The following STAG1 variants were observed in gnomAD, a reference collection of about 807,000 sequenced individuals.
STAG1 encodes the protein STAG1 cohesin complex component, also known as cohesin subunit SA-1.
In STAG1, 26 loss-of-function variants were observed where a neutral mutation model predicts 170.9. The observed-to-expected ratio is 0.15, with a 90% confidence interval of 0.11 to 0.21. The LOEUF (loss-of-function observed/expected upper bound fraction) is 0.21, where lower values mean the gene tolerates loss of function less well. Among genes scored for constraint, STAG1 ranks in the 10% least tolerant of loss-of-function variants. STAG1 has a pLI of 1.00. For synonymous variants in STAG1, 514 were observed against 497.7 expected (o/e 1.03, Z -0.44); for missense variants, 964 against 1,509.5 (o/e 0.64, Z 5.99).
At chr3:136,396,099 A>G (rs2087139880) in intron 22 of STAG1, among the ~76,000 whole-genome samples, 1 of 151,894 alleles carries the variant, frequency 6.6e-6, no homozygotes, top group African/African-American at 2.4e-5. Context: ...ACAGGGTTTC[A>G]TCACGTTAGC....
intron 4 of STAG1, among the ~76,000 whole-genome samples, chr3:136,603,802 GCGTGAACC>G (rs1938804126): frequency 6.6e-6 from 1 of 152,086 alleles, no homozygotes; most frequent in Non-Finnish European, 1.5e-5. Flanking sequence ...CAGGGGAATG[GCGTGAACC>G]CGGGAGGCAG....
chr3:136,719,390 C>T (rs1035813550), intron 1 of STAG1, among the ~76,000 whole-genome samples: 3 of 151,932 alleles, frequency 2.0e-5, no homozygotes, highest in Non-Finnish European at 2.9e-5. Flanking sequence ...AGATTTTCTT[C>T]TTTGGGGGGT....
intron 21 of STAG1, among the ~76,000 whole-genome samples, chr3:136,416,385 C>CA (rs1168772805): frequency 6.6e-6 from 1 of 152,136 alleles, no homozygotes; most frequent in Non-Finnish European, 1.5e-5. Context: ...AAGACATATG[C>CA]AATGAACATA....
At chr3:136,369,683 T>C (rs902519125) in intron 23 of STAG1, among the ~76,000 whole-genome samples, 2 of 152,204 alleles carry the variant, frequency 1.3e-5, no homozygotes, top group African/African-American at 4.8e-5. Context: ...AATTGTATAC[T>C]GCTTAATCAA....
intron 4 of STAG1, among the ~76,000 whole-genome samples, chr3:136,589,372 G>T (rs1443584911): frequency 6.6e-6 from 1 of 152,030 alleles, no homozygotes; most frequent in African/African-American, 2.4e-5. Flanking sequence ...AGGTGTGGTG[G>T]CGTGTGCCTG....
intron 7 of STAG1, among the ~76,000 whole-genome samples, chr3:136,515,435 T>A (rs868033212): frequency 6.6e-6 from 1 of 152,182 alleles, no homozygotes; most frequent in Non-Finnish European, 1.5e-5. Flanking sequence ...TTAACAAAAA[T>A]TATTTCATCT....
At chr3:136,373,936 T>A (rs936563738) in intron 23 of STAG1, among the ~76,000 whole-genome samples, 2 of 152,110 alleles carry the variant, frequency 1.3e-5, no homozygotes, top group Non-Finnish European at 2.9e-5. Flanking sequence ...ATATTGACAG[T>A]GGGGTGTTAA....
intron 16 of STAG1, among the ~76,000 whole-genome samples, chr3:136,425,951 C>A (rs1576453966): frequency 6.6e-6 from 1 of 151,188 alleles, no homozygotes; most frequent in East Asian, 1.9e-4. Flanking sequence ...ATTCTTGTTT[C>A]ATTAATTATC....
At position 136,454,631 on chromosome 3, in the gene STAG1, C is replaced by T. The variant is rs138895699; in HGVS notation, c.1314-2484G>A. On this transcript the variant is annotated intron_variant, in intron 13 of 33. Transcript: ENST00000383202. ...CTGACCTCAAGTCGTCCACCTGCCTCGGCCTCCCAAAGTGCTGGGATTATG... is the reference window on the plus strand; with the variant it reads ...CTGACCTCAAGTCGTCCACCTGCCTTGGCCTCCCAAAGTGCTGGGATTATG... 3.4e-3 allele frequency among the ~76,000 whole-genome samples: 523 copies of T among 152,282 alleles called. 3 individuals carry two copies. The highest frequency in any genetic ancestry group is 6.0e-3 in the Non-Finnish European group (410 of 68,022).
intron 4 of STAG1, among the ~76,000 whole-genome samples, chr3:136,601,095 A>T (rs1341575400): frequency 6.6e-6 from 1 of 151,628 alleles, no homozygotes; most frequent in African/African-American, 2.4e-5. Flanking sequence ...TCCTGACCTC[A>T]ACTGATCCAC....
chr3:136,561,965 TAC>T (rs1313883257), intron 5 of STAG1, among the ~76,000 whole-genome samples: 2 of 152,208 alleles, frequency 1.3e-5, no homozygotes, highest in African/African-American at 4.8e-5. Context: ...ACTCTTCATA[TAC>T]AGATGCATTT....
Position 136,418,360 on chromosome 3 carries a change from C to CAAAAAAAAAAAAAAAAAAAA in STAG1, c.2109-408_2109-389dup, listed in dbSNP as rs767401141. Among the ~76,000 whole-genome samples the CAAAAAAAAAAAAAAAAAAAA allele has an allele frequency of 8.0e-5, 4 of 49,762 alleles. 1 individual carries two copies. Among genetic ancestry groups the CAAAAAAAAAAAAAAAAAAAA allele is most frequent in the African/African-American group, 3.2e-4 (3 of 9,266 alleles). 32.6% of individuals were successfully genotyped at this position (49,762 alleles called of 152,430 possible). On this transcript the variant is annotated intron_variant, in intron 20 of 33. Transcript: ENST00000383202. The stretch of plus-strand genomic sequence containing the variant: ...GGGTAACTGAGCAAGACTCTGTCTC[C>CAAAAAAAAAAAAAAAAAAAA]AAAAAAAAAAAAAAAAAAAAAAAAA...
intron 9 of STAG1, among the ~76,000 whole-genome samples, chr3:136,488,782 G>A (rs1324410836): frequency 1.3e-5 from 2 of 152,142 alleles, no homozygotes; most frequent in African/African-American, 4.8e-5. Context: ...AAAATGCAGT[G>A]TAAGTCTAAA....
intron 23 of STAG1, among the ~76,000 whole-genome samples, chr3:136,376,509 CAG>C (rs954281579): frequency 6.6e-6 from 1 of 152,104 alleles, no homozygotes; most frequent in African/African-American, 2.4e-5. Flanking sequence ...TATAGGGACT[CAG>C]AAACTCCTTG....
intron 1 of STAG1, among the ~76,000 whole-genome samples, chr3:136,731,274 T>C (rs1268214173): frequency 6.6e-6 from 1 of 151,990 alleles, no homozygotes; most frequent in Non-Finnish European, 1.5e-5. Flanking sequence ...AGAATGTTTA[T>C]GATACAGTAA....
At chr3:136,666,758 T>C (rs1294215914) in intron 1 of STAG1, among the ~76,000 whole-genome samples, 5 of 151,146 alleles carry the variant, frequency 3.3e-5, no homozygotes, top group Non-Finnish European at 7.4e-5. Context: ...AGGTGGAGGT[T>C]GCAGTGAGCC....
intron 25 of STAG1, among the ~76,000 whole-genome samples, chr3:136,363,864 C>T (rs1271225490): frequency 6.6e-6 from 1 of 152,138 alleles, no homozygotes; most frequent in Non-Finnish European, 1.5e-5. Context: ...GGTGATCCTC[C>T]CACCTCAGCC....
At chr3:136,551,788 T>C (rs1936418296) in intron 5 of STAG1, among the ~76,000 whole-genome samples, 1 of 151,636 alleles carries the variant, frequency 6.6e-6, no homozygotes, top group Admixed American at 6.6e-5. Context: ...AGAGACAGGG[T>C]CTTACTATGT....
At chr3:136,355,066 G>A (rs1406057386) in intron 28 of STAG1, among the ~76,000 whole-genome samples, 1 of 151,786 alleles carries the variant, frequency 6.6e-6, no homozygotes, top group Non-Finnish European at 1.5e-5. Flanking sequence ...AAAAATGTAT[G>A]TACAGGCCAG....
Sources: gnomAD v4.1 joint callset for allele counts (sites outside exome capture counted in the v4.1 genomes callset) on GRCh38, gnomAD v4.1.1 for gene constraint, MANE v1.5 for transcripts, NCBI Gene and HGNC (gene_info 2026-07-23, HGNC 2026-07-21) for gene names.